CCDC102B: variants seen among roughly 807,000 people sequenced by gnomAD.
The protein encoded by CCDC102B is coiled-coil domain-containing protein 102B.
A neutral mutation model predicts 57.4 loss-of-function variants in CCDC102B; 75 were observed. The observed-to-expected ratio is 1.31, with a 90% CI of 1.08 to 1.58. CCDC102B has a LOEUF of 1.58. Among genes scored for constraint, CCDC102B ranks in the 40% most tolerant of loss-of-function variants. The pLI, the probability that CCDC102B is intolerant of heterozygous loss-of-function variation, is 0.00. For missense variants in CCDC102B, 636 were observed against 582.6 expected, an observed-to-expected ratio of 1.09 and a Z score of -0.94; for synonymous variants, 206 against 201.9, an observed-to-expected ratio of 1.02 and a Z score of -0.17.
At chr18:68,726,607 A>G (rs938402169) in intron 2 of CCDC102B, among the ~76,000 whole-genome samples, 13 of 152,214 alleles carry the variant, frequency 8.5e-5, no homozygotes, top group Admixed American at 5.9e-4. Flanking sequence ...TGACCTGGCT[A>G]ATTTTTTTGC....
intron 7 of CCDC102B, among the ~76,000 whole-genome samples, chr18:69,051,942 A>G (rs983546533): frequency 1.3e-5 from 2 of 152,008 alleles, no homozygotes; most frequent in Non-Finnish European, 2.9e-5. Context: ...TAGTGAAAAT[A>G]CAGAATAACA....
At chr18:68,938,339 G>A (rs879494417) in intron 6 of CCDC102B, among the ~76,000 whole-genome samples, 7 of 152,068 alleles carry the variant, frequency 4.6e-5, no homozygotes, top group South Asian at 2.1e-4. Context: ...AATTCCCTGA[G>A]GGATGAGGCC....
chr18:68,814,478 A>T (rs2036400451), intron 1 of CCDC102B, among the ~76,000 whole-genome samples: 1 of 152,128 alleles, frequency 6.6e-6, no homozygotes, highest in South Asian at 2.1e-4. Context: ...TTGGACCAGA[A>T]ATGTAGGTTA....
At chr18:68,724,098 C>T (rs567790043) in intron 2 of CCDC102B, among the ~76,000 whole-genome samples, 28 of 152,318 alleles carry the variant, frequency 1.8e-4, no homozygotes, top group African/African-American at 6.0e-4. Flanking sequence ...GGGCTTGCAT[C>T]GTCAGAAGCA....
At chr18:68,958,003 G>A (rs2049948177) in intron 6 of CCDC102B, among the ~76,000 whole-genome samples, 1 of 152,188 alleles carries the variant, frequency 6.6e-6, no homozygotes, top group African/African-American at 2.4e-5. Flanking sequence ...TGGACTTACA[G>A]TTCCACGTGG....
At chr18:68,739,485 C>G (rs1286222668) in intron 2 of CCDC102B, among the ~76,000 whole-genome samples, 1 of 152,160 alleles carries the variant, frequency 6.6e-6, no homozygotes, top group Admixed American at 6.5e-5. Context: ...GAGTCTAGGT[C>G]AACATTTTAT....
chr18:68,856,672 A>T (rs1215157422), intron 4 of CCDC102B, among the ~76,000 whole-genome samples: 1 of 152,088 alleles, frequency 6.6e-6, no homozygotes, highest in Non-Finnish European at 1.5e-5. Context: ...GCAGGAAGAG[A>T]GAGGGAGCTT....
chr18:68,953,512 T>C (rs2145202648), intron 6 of CCDC102B, among the ~76,000 whole-genome samples: 1 of 151,648 alleles, frequency 6.6e-6, no homozygotes, highest in Non-Finnish European at 1.5e-5. Flanking sequence ...AAATGTCTGT[T>C]CAAGTCCTTT....
At chr18:68,852,990 A>T (rs2038201962) in intron 4 of CCDC102B, among the ~76,000 whole-genome samples, 1 of 151,976 alleles carries the variant, frequency 6.6e-6, no homozygotes, top group Non-Finnish European at 1.5e-5. Context: ...TTTTTGTGCA[A>T]TTTTCGTAAG....
chr18:68,790,582 A>G (rs1359827123), intron 2 of CCDC102B, among the ~76,000 whole-genome samples: 2 of 151,972 alleles, frequency 1.3e-5, no homozygotes, highest in African/African-American at 2.4e-5. Flanking sequence ...GGTGGGAGTG[A>G]CCCGATTTTC....
At chr18:69,026,471 A>AAAAAT (rs1183999429) in intron 7 of CCDC102B, among the ~76,000 whole-genome samples, 2 of 151,808 alleles carry the variant, frequency 1.3e-5, no homozygotes, top group Non-Finnish European at 2.9e-5. Context: ...AAAAAAAAAA[A>AAAAAT]AAAAACCCCA....
At chr18:68,946,321 T>G (rs1007236972) in intron 6 of CCDC102B, among the ~76,000 whole-genome samples, 1 of 152,100 alleles carries the variant, frequency 6.6e-6, no homozygotes, top group Non-Finnish European at 1.5e-5. Flanking sequence ...TCATCATGCT[T>G]GCTACATATG....
intron 7 of CCDC102B, among the ~76,000 whole-genome samples, chr18:69,013,095 A>G (rs1226552138): frequency 6.6e-6 from 1 of 152,150 alleles, no homozygotes; most frequent in African/African-American, 2.4e-5. Context: ...CACTATTCAC[A>G]ATAGCAGCCA....
intron 6 of CCDC102B, among the ~76,000 whole-genome samples, chr18:68,943,870 C>A (rs1049681826): frequency 1.3e-5 from 2 of 152,080 alleles, no homozygotes; most frequent in African/African-American, 4.8e-5. Context: ...ACGTAAAAAC[C>A]TGCAAGAATC....
In CCDC102B at chr18:68,792,926, T is replaced by C. The variant is rs150534039; in HGVS notation, c.-66-30440T>C. Among the ~76,000 whole-genome samples, 6 of 152,320 alleles carry C rather than the reference T, an allele frequency of 3.9e-5. No homozygotes were observed. In the East Asian group the frequency reaches 1.2e-3, roughly 29 times the overall value. The stretch of plus-strand genomic sequence containing the variant: ...GAAAATTTGGACATTGAGAGACAAT[T>C]ATTCCTATTTTTAAAATAGCAGGAG... On this transcript the variant is annotated intron_variant, in intron 2 of 3. Coordinates refer to the CCDC102B transcript ENST00000578970.
intron 2 of CCDC102B, among the ~76,000 whole-genome samples, chr18:68,745,241 G>A (rs775316218): frequency 2.6e-5 from 4 of 151,766 alleles, no homozygotes; most frequent in East Asian, 3.9e-4. Flanking sequence ...GAGAACATAC[G>A]GCCCTGTTTC....
At chr18:68,723,864 T>G (rs2032473908) in intron 2 of CCDC102B, among the ~76,000 whole-genome samples, 1 of 152,224 alleles carries the variant, frequency 6.6e-6, no homozygotes, top group South Asian at 2.1e-4. Flanking sequence ...CACTAGTCAG[T>G]GCCCCAGTGG....
intron 5 of CCDC102B, among the ~76,000 whole-genome samples, chr18:68,879,918 G>A (rs2144952183): frequency 6.6e-6 from 1 of 152,376 alleles, no homozygotes; most frequent in East Asian, 1.9e-4. Context: ...AGACTCAGGA[G>A]CCCAGCTGGC....
intron 2 of CCDC102B, among the ~76,000 whole-genome samples, chr18:68,726,137 A>G (rs534301961): frequency 1.3e-4 from 20 of 152,344 alleles, no homozygotes; most frequent in Non-Finnish European, 2.6e-4. Context: ...AAAGTATACC[A>G]TGGGGATATC....
Sources: allele counts gnomAD v4.1 joint callset (sites outside exome capture counted in the v4.1 genomes callset), GRCh38; gene constraint gnomAD v4.1.1; transcripts MANE v1.5; gene names NCBI Gene and HGNC (gene_info 2026-07-23, HGNC 2026-07-21).